ARHGEF9: variants seen among roughly 807,000 people sequenced by gnomAD.
ARHGEF9 encodes the protein Cdc42 guanine nucleotide exchange factor 9.
Under a neutral mutation model 41.3 loss-of-function variants are expected in ARHGEF9, and 2 were observed. That is an observed-to-expected ratio of 0.05 (90% CI 0.02 to 0.15). The LOEUF is 0.15. Among genes scored for constraint, ARHGEF9 ranks in the 10% least tolerant of loss-of-function variants. The probability of loss-of-function intolerance (pLI) is 1.00; values close to 1 mark genes in which losing one functional copy is unlikely to be tolerated. For missense variants in ARHGEF9, 225 were observed against 424.7 expected (o/e 0.53, Z 4.13); for synonymous variants, 160 against 154.4 (o/e 1.04, Z -0.27).
intron 2 of ARHGEF9, among the ~76,000 whole-genome samples, chrX:63,712,501 C>A (rs1164483181): frequency 1.8e-5 from 2 of 110,921 alleles, no homozygotes; most frequent in Non-Finnish European, 3.8e-5. Context: ...GATAAGTATG[C>A]GAGATGATGA....
chrX:63,761,410 C>A (rs1433229056), intron 1 of ARHGEF9, among the ~76,000 whole-genome samples: 1 of 111,746 alleles, frequency 8.9e-6, no homozygotes, highest in Non-Finnish European at 1.9e-5. Flanking sequence ...TAAAATAGTG[C>A]TTAGCACTCA....
chrX:63,707,190 C>G (rs1446725459), intron 2 of ARHGEF9, among the ~76,000 whole-genome samples: 1 of 110,794 alleles, frequency 9.0e-6, no homozygotes, highest in Non-Finnish European at 1.9e-5. Context: ...AGAGCCTATG[C>G]TTTTAAACAC....
intron 7 of ARHGEF9, among the ~76,000 whole-genome samples, chrX:63,655,946 T>A (rs1569442683): frequency 1.8e-5 from 2 of 111,950 alleles, no homozygotes; most frequent in Non-Finnish European, 3.8e-5. Flanking sequence ...CTGTCTCACC[T>A]CGAAAGATCA....
At chrX:63,755,679 A>C (rs2055907806) in intron 1 of ARHGEF9, among the ~76,000 whole-genome samples, 1 of 111,603 alleles carries the variant, frequency 9.0e-6, no homozygotes. Context: ...GGAGGAAGCA[A>C]AGGTGCTTTT....
chrX:63,714,516 C>A (rs2053166157), intron 2 of ARHGEF9, among the ~76,000 whole-genome samples: 1 of 111,934 alleles, frequency 8.9e-6, no homozygotes, highest in East Asian at 2.8e-4. Flanking sequence ...CAGTCTGTGA[C>A]AGTGGTAAAG....
At chrX:63,754,963 G>A in intron 1 of ARHGEF9, 1 of 938,714 alleles carries the variant, frequency 1.1e-6, no homozygotes, top group South Asian at 5.9e-5. Context: ...GTCCGGGCGT[G>A]CGTCCGTCCG....
At chrX:63,702,544 G>A (rs1201480212) in intron 3 of ARHGEF9, among the ~76,000 whole-genome samples, 1 of 112,106 alleles carries the variant, frequency 8.9e-6, no homozygotes, top group Non-Finnish European at 1.9e-5. Flanking sequence ...TTAAATGTTT[G>A]TAAAGCACTT....
At chrX:63,782,396 A>T (rs1223002298) in intron 1 of ARHGEF9, among the ~76,000 whole-genome samples, 1 of 112,407 alleles carries the variant, frequency 8.9e-6, no homozygotes, top group Admixed American at 9.4e-5. Flanking sequence ...TGTTACTCTG[A>T]GAACAGTGTT....
chrX:63,650,362 C>T (rs1299373912), intron 8 of ARHGEF9, among the ~76,000 whole-genome samples: 1 of 111,055 alleles, frequency 9.0e-6, no homozygotes, highest in East Asian at 2.8e-4. Flanking sequence ...AAAATGAAAT[C>T]CTGTCATCTG....
intron 1 of ARHGEF9, chrX:63,755,751 G>A: frequency 3.7e-6 from 2 of 539,229 alleles, no homozygotes; most frequent in Non-Finnish European, 4.5e-6. Flanking sequence ...ACAAACCAGT[G>A]TTGTGGACAG....
At chrX:63,726,311 C>T (rs1160269799) in intron 1 of ARHGEF9, among the ~76,000 whole-genome samples, 1 of 112,344 alleles carries the variant, frequency 8.9e-6, no homozygotes, top group Non-Finnish European at 1.9e-5. Context: ...ATCAACTGGG[C>T]CTCACTATTA....
chrX:63,685,124 A>G (rs1430169962), intron 4 of ARHGEF9, among the ~76,000 whole-genome samples: 1 of 111,438 alleles, frequency 9.0e-6, no homozygotes, highest in African/African-American at 3.3e-5. Context: ...AATTTTAGAT[A>G]CTATTACCAC....
At chrX:63,642,934 T>G (rs782110051) in intron 9 of ARHGEF9, 1 of 112,090 alleles carries the variant, frequency 8.9e-6, no homozygotes, top group African/African-American at 3.2e-5. Flanking sequence ...GAGAAAGCAG[T>G]GGACTCTGAG....
At chrX:63,707,815 T>C (rs191675967) in intron 2 of ARHGEF9, among the ~76,000 whole-genome samples, 1 of 111,672 alleles carries the variant, frequency 9.0e-6, no homozygotes, top group African/African-American at 3.3e-5. Flanking sequence ...ATATTCTTCC[T>C]TCTTTCTTTT....
chrX:63,692,383 T>C (rs1175174797), intron 4 of ARHGEF9, among the ~76,000 whole-genome samples: 1 of 112,122 alleles, frequency 8.9e-6, no homozygotes, highest in Non-Finnish European at 1.9e-5. Flanking sequence ...AATAATCTGA[T>C]TTAAAAGTGG....
chrX:63,683,056 A>G (rs2050754372), intron 4 of ARHGEF9, among the ~76,000 whole-genome samples: 1 of 110,543 alleles, frequency 9.0e-6, no homozygotes, highest in Admixed American at 9.7e-5. Context: ...CTATTTGGAG[A>G]TAAGATGATT....
chrX:63,748,668 T>TA (rs1170298211), intron 1 of ARHGEF9, among the ~76,000 whole-genome samples: 2 of 111,253 alleles, frequency 1.8e-5, no homozygotes, highest in African/African-American at 6.5e-5. Context: ...AACTTTAAAT[T>TA]AAAAAAATAA....
At chrX:63,755,334 C>T (rs1325694282) in intron 1 of ARHGEF9, 1 of 684,042 alleles carries the variant, frequency 1.5e-6, no homozygotes, top group East Asian at 4.4e-5. Flanking sequence ...CTCCCCAGAC[C>T]GGCGAGAGTC....
At chrX:63,676,254 G>A (rs1556362085) in intron 5 of ARHGEF9, among the ~76,000 whole-genome samples, 1 of 112,056 alleles carries the variant, frequency 8.9e-6, no homozygotes, top group African/African-American at 3.2e-5. Flanking sequence ...TTCCTAACCA[G>A]TCTATTCTGT....
Sources: allele counts gnomAD v4.1 joint callset (sites outside exome capture counted in the v4.1 genomes callset), GRCh38; gene constraint gnomAD v4.1.1; transcripts MANE v1.5; gene names NCBI Gene and HGNC (gene_info 2026-07-23, HGNC 2026-07-21).